The following GALNTL6 variants were observed in gnomAD, a reference collection of about 807,000 sequenced individuals.
GALNTL6 encodes polypeptide N-acetylgalactosaminyltransferase like 6.
Under a neutral mutation model 73.7 loss-of-function variants are expected in GALNTL6, and 46 were observed. The ratio of observed to expected loss-of-function variants is 0.62; its 90% CI spans 0.49 to 0.80. The LOEUF (loss-of-function observed/expected upper bound fraction) is 0.80, where lower values mean the gene tolerates loss of function less well. Among genes scored for constraint, GALNTL6 ranks in the 30% least tolerant of loss-of-function variants. The pLI, the probability that GALNTL6 is intolerant of heterozygous loss-of-function variation, is 0.00. For missense variants in GALNTL6, 604 were observed against 755.0 expected (o/e 0.80, Z 2.34); for synonymous variants, 259 against 263.7 (o/e 0.98, Z 0.17).
chr4:172,360,363 A>G (rs1742319489), intron 5 of GALNTL6, among the ~76,000 whole-genome samples: 1 of 151,892 alleles, frequency 6.6e-6, no homozygotes, highest in African/African-American at 2.4e-5. Flanking sequence ...GATTCACTTA[A>G]TAATTATTAC....
intron 2 of GALNTL6, among the ~76,000 whole-genome samples, chr4:171,972,820 C>A (rs1259714797): frequency 6.6e-6 from 1 of 152,110 alleles, no homozygotes; most frequent in East Asian, 1.9e-4. Flanking sequence ...CTCATTTTTT[C>A]ATAGAGAGAT....
At chr4:172,565,479 G>T (rs564595366) in intron 5 of GALNTL6, among the ~76,000 whole-genome samples, 2 of 152,294 alleles carry the variant, frequency 1.3e-5, no homozygotes, top group Non-Finnish European at 2.9e-5. Flanking sequence ...TTCTCTTCAT[G>T]TGCAGTAGAA....
intron 8 of GALNTL6, among the ~76,000 whole-genome samples, chr4:172,886,646 C>T (rs1323270733): frequency 6.6e-6 from 1 of 152,028 alleles, no homozygotes; most frequent in East Asian, 1.9e-4. Context: ...GCCTGTAATC[C>T]CAGCTACTGG....
At chr4:171,874,141 A>T (rs1736211935) in intron 2 of GALNTL6, among the ~76,000 whole-genome samples, 1 of 152,210 alleles carries the variant, frequency 6.6e-6, no homozygotes, top group South Asian at 2.1e-4. Context: ...AATAGATTTG[A>T]CACAAACCTT....
At position 172,208,519 on chromosome 4, in the gene GALNTL6, A is replaced by G. The variant is rs572201154; in HGVS notation, c.139-21137A>G. ...CTGCTGAAGGCCTTCTCACATTTGT[A>G]TGATTTGGTATTTTTCTAAAGAGCA... On this transcript the variant is annotated intron_variant, in intron 2 of 12. Transcript: ENST00000506823. Among the ~76,000 whole-genome samples the G allele has an allele frequency of 1.1e-4, 16 of 152,270 alleles. No individual in the cohort carries two copies. In the South Asian group the frequency reaches 2.9e-3, roughly 28 times the overall value.
Position 172,049,613 on chromosome 4 carries a change from T to G in GALNTL6, c.139-180043T>G, listed in dbSNP as rs556525368. 3.3e-5 allele frequency among the ~76,000 whole-genome samples: 5 copies of G among 152,316 alleles called. No individual in the cohort carries two copies. In the South Asian group the frequency reaches 1.0e-3, roughly 32 times the overall value. ...AGATTGATTTCTATTTTACGTGGCT[T>G]CTCAAGACCACGTTTATTCTCAAAT... is the stretch of plus-strand genomic sequence containing the variant. On this transcript the variant is annotated intron_variant, in intron 2 of 12. Transcript: ENST00000506823.
chr4:171,839,678 C>CAAA (rs35550994), intron 2 of GALNTL6, among the ~76,000 whole-genome samples: 1 of 139,480 alleles, frequency 7.2e-6, no homozygotes. Context: ...AGGATTGCAG[C>CAAA]AAAAAAAAAA....
intron 5 of GALNTL6, among the ~76,000 whole-genome samples, chr4:172,407,447 T>G (rs1744277727): frequency 6.6e-6 from 1 of 152,110 alleles, no homozygotes; most frequent in East Asian, 1.9e-4. Context: ...GCCACAAACT[T>G]ATATTAATGT....
chr4:171,823,352 C>G (rs1734733753), intron 2 of GALNTL6, among the ~76,000 whole-genome samples: 1 of 151,870 alleles, frequency 6.6e-6, no homozygotes, highest in South Asian at 2.1e-4. Context: ...AGGGGACAGT[C>G]CCAAGGAGAA....
intron 3 of GALNTL6, among the ~76,000 whole-genome samples, chr4:172,305,323 AT>A (rs1235869154): frequency 6.6e-6 from 1 of 152,064 alleles, no homozygotes; most frequent in Admixed American, 6.6e-5. Context: ...TAAGACAGCA[AT>A]TTTTCTGCTT....
intron 3 of GALNTL6, among the ~76,000 whole-genome samples, chr4:172,252,184 G>A (rs1737905306): frequency 6.6e-6 from 1 of 152,104 alleles, no homozygotes; most frequent in Non-Finnish European, 1.5e-5. Flanking sequence ...CAGTCCAAAG[G>A]TTGAAAGCAT....
chr4:172,658,466 CAAAA>C (rs1207091609), intron 5 of GALNTL6, among the ~76,000 whole-genome samples: 1 of 53,584 alleles, frequency 1.9e-5, no homozygotes, highest in Non-Finnish European at 3.9e-5. Flanking sequence ...GACTCCGTCT[CAAAA>C]AAAAAAAAAA....
At chr4:173,019,308 G>C (rs1022235112) in intron 11 of GALNTL6, among the ~76,000 whole-genome samples, 1 of 152,228 alleles carries the variant, frequency 6.6e-6, no homozygotes, top group Non-Finnish European at 1.5e-5. Context: ...TAAGATGGAT[G>C]ATGAGTGACC....
At chr4:172,370,954 AACTTT>A (rs766154186) in intron 5 of GALNTL6, among the ~76,000 whole-genome samples, 9 of 152,340 alleles carry the variant, frequency 5.9e-5, no homozygotes, top group Non-Finnish European at 1.2e-4. Flanking sequence ...ACTTTTAGCA[AACTTT>A]ACTTTAGTTG....
intron 8 of GALNTL6, among the ~76,000 whole-genome samples, 153 bp downstream of exon 8, chr4:172,883,060 T>C (rs1745542763): frequency 6.6e-6 from 1 of 152,190 alleles, no homozygotes; most frequent in South Asian, 2.1e-4. Context: ...TTCTTTCTTT[T>C]TTGGTTTTTG....
chr4:172,538,656 A>G (rs1735438492), intron 5 of GALNTL6, among the ~76,000 whole-genome samples: 2 of 152,166 alleles, frequency 1.3e-5, no homozygotes, highest in African/African-American at 4.8e-5. Flanking sequence ...CAAAGTTCCA[A>G]AAAGATATAG....
At chr4:172,324,710 T>C (rs1419689562) in intron 4 of GALNTL6, among the ~76,000 whole-genome samples, 2 of 151,038 alleles carry the variant, frequency 1.3e-5, no homozygotes, top group East Asian at 3.9e-4. Context: ...TAAATTTCAG[T>C]GGATTGAAGT....
chr4:172,205,351 G>A (rs1017722745), intron 2 of GALNTL6, among the ~76,000 whole-genome samples: 1 of 152,174 alleles, frequency 6.6e-6, no homozygotes, highest in African/African-American at 2.4e-5. Context: ...AGTGGTGTGA[G>A]ATGTAATAAC....
At chr4:172,493,006 C>T (rs563883452) in intron 5 of GALNTL6, among the ~76,000 whole-genome samples, 15 of 152,128 alleles carry the variant, frequency 9.9e-5, no homozygotes, top group African/African-American at 9.7e-5. Context: ...AGACACATAT[C>T]TAACTTACTA....
Sources: allele counts gnomAD v4.1 joint callset (sites outside exome capture counted in the v4.1 genomes callset), GRCh38; gene constraint gnomAD v4.1.1; transcripts MANE v1.5; gene names NCBI Gene and HGNC (gene_info 2026-07-23, HGNC 2026-07-21).